Variants in ROBO2 observed in about 807,000 individuals in gnomAD.
ROBO2 encodes the protein roundabout homolog 2.
In ROBO2, 53 loss-of-function variants were observed where a neutral mutation model predicts 160.8. That is an observed-to-expected ratio of 0.33 (90% CI 0.26 to 0.41). ROBO2 has a LOEUF of 0.41. ROBO2 is among the 10% of genes least tolerant of loss of function. The probability of loss-of-function intolerance (pLI) is 1.00; values close to 1 mark genes in which losing one functional copy is unlikely to be tolerated. For missense variants in ROBO2, 1,577 were observed against 1,722.4 expected (o/e 0.92, Z 1.49); for synonymous variants, 664 against 611.7 (o/e 1.09, Z -1.26).
At chr3:77,039,032 G>A (rs888074839), upstream of ROBO2, among the ~76,000 whole-genome samples, 1 of 152,140 alleles carries the variant, frequency 6.6e-6, no homozygotes, top group Admixed American at 6.5e-5. Flanking sequence ...CCCTCGCCCT[G>A]CGCGATCGCG....
chr3:77,603,285 A>G (rs2094466373), intron 20 of ROBO2, among the ~76,000 whole-genome samples: 1 of 152,142 alleles, frequency 6.6e-6, no homozygotes, highest in African/African-American at 2.4e-5. Flanking sequence ...TTTAAAGAAA[A>G]ATTATGCCAT....
intron 2 of ROBO2, among the ~76,000 whole-genome samples, chr3:77,357,665 C>T (rs1048452721): frequency 2.0e-5 from 3 of 152,106 alleles, no homozygotes; most frequent in Non-Finnish European, 4.4e-5. Flanking sequence ...AAGATTTTAA[C>T]CAAAGCCTTC....
At chr3:77,277,212 C>CTTGTCTTTCT (rs762489739) in intron 2 of ROBO2, among the ~76,000 whole-genome samples, 1 of 80,054 alleles carries the variant, frequency 1.2e-5, no homozygotes, top group African/African-American at 5.0e-5. Context: ...TTCTTTCTTT[C>CTTGTCTTTCT]TTCTTTCTTT....
intron 2 of ROBO2, among the ~76,000 whole-genome samples, chr3:76,064,531 C>T (rs1355443405): frequency 2.6e-5 from 4 of 152,196 alleles, no homozygotes; most frequent in African/African-American, 7.2e-5. Flanking sequence ...GGCAAATTAT[C>T]GGTGATTTGA....
At chr3:77,251,341 G>A (rs1043958504) in intron 2 of ROBO2, among the ~76,000 whole-genome samples, 2 of 152,126 alleles carry the variant, frequency 1.3e-5, no homozygotes, top group Non-Finnish European at 2.9e-5. Flanking sequence ...GGACTCGCTT[G>A]AATTACAAGT....
At chr3:76,018,268 T>C (rs2107649088) in intron 2 of ROBO2, among the ~76,000 whole-genome samples, 1 of 152,070 alleles carries the variant, frequency 6.6e-6, no homozygotes, top group Non-Finnish European at 1.5e-5. Flanking sequence ...TTTCTCTGTG[T>C]AAATAGAAAA....
rs911017771 is a variant in ROBO2 at position 77,607,972 on chromosome 3, A to G, written c.3293+18A>G. 5.6e-6 allele frequency: 9 copies of G among 1,613,648 alleles called. No homozygotes were observed. Among genetic ancestry groups the G allele is most frequent in the Non-Finnish European group, 7.6e-6 (9 of 1,179,682 alleles). On this transcript the variant is annotated intron_variant, in intron 21 of 25. Coordinates refer to ENST00000461745, the Ensembl canonical transcript of ROBO2. Reference sequence around the variant, plus strand: ...GAAAATGGGTAAAGATATTTTATATACTAGCAAAATGGCCAGGGCTCTCCT... The same window carrying G: ...GAAAATGGGTAAAGATATTTTATATGCTAGCAAAATGGCCAGGGCTCTCCT...
chr3:77,591,930 G>T (rs1051324089), intron 17 of ROBO2, among the ~76,000 whole-genome samples: 4 of 152,138 alleles, frequency 2.6e-5, no homozygotes, highest in African/African-American at 9.7e-5. Context: ...CAAAACACCA[G>T]ATATGATTTC....
chr3:76,188,341 C>G (rs909427433), intron 2 of ROBO2, among the ~76,000 whole-genome samples: 3 of 151,852 alleles, frequency 2.0e-5, no homozygotes, highest in African/African-American at 7.3e-5. Context: ...CAGACACATA[C>G]AGAAAAAAAG....
intron 2 of ROBO2, among the ~76,000 whole-genome samples, chr3:76,239,759 G>T (rs1576043741): frequency 1.3e-5 from 2 of 152,118 alleles, no homozygotes; most frequent in Non-Finnish European, 2.9e-5. Context: ...AATAACAAAT[G>T]GTTTTTGTAA....
At chr3:75,907,387 G>T (rs1946392558) in intron 1 of ROBO2, among the ~76,000 whole-genome samples, 1 of 152,032 alleles carries the variant, frequency 6.6e-6, no homozygotes, top group Non-Finnish European at 1.5e-5. Context: ...GGCAACCTTG[G>T]TCTCTAAGTT....
At chr3:76,060,499 G>T (rs868188503) in intron 2 of ROBO2, among the ~76,000 whole-genome samples, 1 of 152,124 alleles carries the variant, frequency 6.6e-6, no homozygotes, top group East Asian at 1.9e-4. Context: ...GGAAATTTTG[G>T]CTCCAGATCT....
intron 2 of ROBO2, among the ~76,000 whole-genome samples, chr3:77,256,498 G>C (rs1255747972): frequency 1.3e-5 from 2 of 151,794 alleles, no homozygotes; most frequent in Non-Finnish European, 2.9e-5. Flanking sequence ...CTCAATAACT[G>C]TGTGTGTGTA....
intron 2 of ROBO2, among the ~76,000 whole-genome samples, chr3:76,812,878 A>G (rs1435655936): frequency 6.7e-6 from 1 of 149,970 alleles, no homozygotes; most frequent in Non-Finnish European, 1.5e-5. Flanking sequence ...TCTGTTTCCT[A>G]CAATAAAAGT....
At chr3:77,196,407 T>C (rs1471595007) in intron 2 of ROBO2, among the ~76,000 whole-genome samples, 1 of 151,744 alleles carries the variant, frequency 6.6e-6, no homozygotes, top group Non-Finnish European at 1.5e-5. Flanking sequence ...AATTGCTAAA[T>C]TGTTTTTGTG....
chr3:76,771,956 A>G lies in ROBO2; in HGVS notation c.110-326058A>G, dbSNP rs113660883. Among the ~76,000 whole-genome samples, 1,295 of 151,416 alleles carry G rather than the reference A, an allele frequency of 8.6e-3. 10 individuals carry two copies. Among genetic ancestry groups the G allele is most frequent in the Non-Finnish European group, 0.01 (683 of 67,538 alleles). ...CTAATTTTTAAATTACGGTATGGAA[A>G]TATTGAAGGTACAAATATTATCGTT... On this transcript the variant is annotated intron_variant, in intron 2 of 26. Transcript: ENST00000487694.
intron 2 of ROBO2, among the ~76,000 whole-genome samples, chr3:76,754,637 T>C (rs549547245): frequency 6.6e-6 from 1 of 152,024 alleles, no homozygotes; most frequent in South Asian, 2.1e-4. Context: ...CCAGATATTA[T>C]TAGGACTATC....
chr3:76,136,257 G>A (rs2071425929), intron 2 of ROBO2, among the ~76,000 whole-genome samples: 2 of 152,098 alleles, frequency 1.3e-5, no homozygotes, highest in African/African-American at 4.8e-5. Context: ...TGACAGTGCT[G>A]TAAGAAAAAA....
chr3:76,939,283 G>A (rs2077988634), intron 2 of ROBO2, among the ~76,000 whole-genome samples: 1 of 152,060 alleles, frequency 6.6e-6, no homozygotes, highest in South Asian at 2.1e-4. Flanking sequence ...AATCTTCATG[G>A]TAACATATGT....
Sources: allele counts gnomAD v4.1 joint callset (sites outside exome capture counted in the v4.1 genomes callset), GRCh38; gene constraint gnomAD v4.1.1; transcripts MANE v1.5; gene names NCBI Gene and HGNC (gene_info 2026-07-23, HGNC 2026-07-21).